The following HDHD5 variants were observed in gnomAD, a reference collection of about 807,000 sequenced individuals.
HDHD5 encodes haloacid dehalogenase like hydrolase domain containing 5.
In HDHD5, 34 loss-of-function variants were observed where a neutral mutation model predicts 35.5. The ratio of observed to expected loss-of-function variants is 0.96; its 90% CI spans 0.73 to 1.28. HDHD5 has a LOEUF of 1.28. Among genes scored for constraint, HDHD5 ranks in the 50% most tolerant of loss-of-function variants. HDHD5 has a pLI of 0.00. For missense variants in HDHD5, 589 were observed against 560.2 expected, an observed-to-expected ratio of 1.05 and a Z score of -0.52; for synonymous variants, 248 against 240.6, an observed-to-expected ratio of 1.03 and a Z score of -0.29.
At chr22:17,154,193 A>G (rs2061759064) in intron 1 of HDHD5, among the ~76,000 whole-genome samples, 1 of 150,130 alleles carries the variant, frequency 6.7e-6, no homozygotes, top group Admixed American at 6.6e-5. Context: ...TGTTTCTTTA[A>G]GAAACTTGGC....
rs151288224 is a variant in HDHD5 at position 17,138,627 on chromosome 22, C to G, written c.858G>C (p.Gln286His). 448 of 1,614,244 alleles carry G rather than the reference C, an allele frequency of 2.8e-4. 2 individuals carry two copies. In the Middle Eastern group the frequency reaches 4.6e-3, roughly 17 times the overall value. Residue 286 changes from glutamine (Q) to histidine (H), a missense_variant, in exon 7 of 8, where the codon CAG becomes CAC. By Grantham distance (24) the Gln-to-His change is conservative. Transcript: ENST00000336737. ...GTCGCCTGATCAGGTCCTCGGCATA[C>G]TGGTAAGTGAGGATGCTGGGTTTGC... ...LMGKPSILTY[Q>H]YAEDLIRRQA... is the part of the protein sequence containing the mutation.
intron 5 of HDHD5, chr22:17,141,658 T>C (rs1473982821): frequency 4.5e-5 from 45 of 1,006,226 alleles, no homozygotes; most frequent in Non-Finnish European, 4.7e-5. Flanking sequence ...TGTGGAGTGA[T>C]AGAGACTTGA....
At chr22:17,149,339 A>G (rs924135430) in intron 2 of HDHD5, among the ~76,000 whole-genome samples, 3 of 152,212 alleles carry the variant, frequency 2.0e-5, no homozygotes, top group African/African-American at 7.2e-5. Flanking sequence ...CACACCCCCA[A>G]TGCCCAGAAG....
At position 17,141,251 on chromosome 22, in the gene HDHD5, G is replaced by A. The variant is rs761881165; in HGVS notation, c.572-18C>T. 11 of 1,578,730 alleles carry A rather than the reference G, an allele frequency of 7.0e-6. No homozygotes were observed. The highest frequency in any genetic ancestry group is 1.4e-5 in the African/African-American group (1 of 72,572). On this transcript the variant is annotated intron_variant, in intron 5 of 7. Coordinates refer to ENST00000336737, the MANE Select transcript of HDHD5 (RefSeq NM_033070.3). The stretch of plus-strand genomic sequence containing the variant: ...GAGCACCCCTTTAAAGAACAGAGGC[G>A]CAGGTGAGGGCTGCAGGGCAGATGG...
upstream of HDHD5, among the ~76,000 whole-genome samples, chr22:17,161,433 C>T (rs1410439618): frequency 1.3e-5 from 2 of 151,608 alleles, no homozygotes; most frequent in African/African-American, 4.9e-5. Context: ...GTGGTGTGTG[C>T]CTGTAATCCC....
At chr22:17,160,789 C>T (rs956599318), upstream of HDHD5, among the ~76,000 whole-genome samples, 1 of 152,160 alleles carries the variant, frequency 6.6e-6, no homozygotes, top group East Asian at 1.9e-4. Context: ...TCAAGTCAGT[C>T]AAACTCACAA....
At chr22:17,162,747 C>A (rs1013724544), upstream of HDHD5, among the ~76,000 whole-genome samples, 4 of 152,188 alleles carry the variant, frequency 2.6e-5, no homozygotes, top group African/African-American at 9.7e-5. Flanking sequence ...TAAGGCTTGC[C>A]ATGTTAAAGA....
At position 17,138,666 on chromosome 22, in the gene HDHD5, G is replaced by A. The variant is rs374314128; in HGVS notation, c.819C>T (p.Tyr273=). 145 of 1,614,208 alleles carry A rather than the reference G, an allele frequency of 9.0e-5. No homozygotes were observed. The Middle Eastern group carries it at 1.2e-3, about 13-fold the overall frequency. ...YQKVTGKELR[Y]EGLMGKPSIL... is the part of the protein sequence containing the mutation. ...TGCTGGGTTTGCCCATCAGGCCCTC[G>A]TATCTCAGCTCCTTGCCCGTCACTT... The change falls in exon 7 of 8, where the codon TAC becomes TAT. Residue 273 remains tyrosine, a synonymous_variant. Coordinates refer to ENST00000336737, the MANE Select transcript of HDHD5 (RefSeq NM_033070.3).
chr22:17,145,000 A>T, intron 4 of HDHD5, 24 bp downstream of exon 4: 1 of 1,613,276 alleles, frequency 6.2e-7, no homozygotes, highest in Admixed American at 1.7e-5. Context: ...ATGAAGACAC[A>T]GCCCAACCCA....
chr22:17,150,057 G>A (rs188565301), intron 1 of HDHD5, among the ~76,000 whole-genome samples: 165 of 152,008 alleles, frequency 1.1e-3, no homozygotes, highest in Admixed American at 6.6e-4. Context: ...GGATCCTCTC[G>A]CCTCAGCTTC....
exon 1 of HDHD5, chr22:17,165,213 G>T: frequency 1.3e-6 from 1 of 777,724 alleles, no homozygotes; most frequent in South Asian, 1.4e-5. Context: ...AGTTACCTGA[G>T]AGAAGCTGGG....
intron 3 of HDHD5, 153 bp from the exon 4 acceptor site, chr22:17,145,270 GC>G: frequency 2.4e-6 from 2 of 817,404 alleles, no homozygotes; most frequent in Non-Finnish European, 3.0e-6. Context: ...CACAAATCCT[GC>G]AGGTGCTGGC....
intron 1 of HDHD5, among the ~76,000 whole-genome samples, chr22:17,152,620 G>A (rs1005003835): frequency 1.3e-5 from 2 of 152,108 alleles, no homozygotes; most frequent in African/African-American, 2.4e-5. Context: ...ATCAGCACTG[G>A]ACAGGTCCTG....
upstream of HDHD5, among the ~76,000 whole-genome samples, chr22:17,164,222 G>GAAAAAAAA (rs60212114): frequency 1.8e-5 from 2 of 111,950 alleles, no homozygotes; most frequent in Non-Finnish European, 1.9e-5. Context: ...CTCCATCTCA[G>GAAAAAAAA]AAAAAAAAAA....
At chr22:17,164,893 G>A (rs1465279895) in intron 1 of HDHD5, among the ~76,000 whole-genome samples, 4 of 152,214 alleles carry the variant, frequency 2.6e-5, no homozygotes, top group Non-Finnish European at 5.9e-5. Flanking sequence ...GGAATGGCAG[G>A]GAAGCTGTGG....
chr22:17,155,374 T>C (rs1220156899), intron 1 of HDHD5, among the ~76,000 whole-genome samples: 2 of 152,090 alleles, frequency 1.3e-5, no homozygotes, highest in East Asian at 3.9e-4. Flanking sequence ...GCCTCCCAAG[T>C]AGCTGGGACT....
intron 3 of HDHD5, 191 bp from the exon 4 acceptor site, chr22:17,145,308 G>T: frequency 2.0e-6 from 1 of 494,244 alleles, no homozygotes; most frequent in Non-Finnish European, 2.6e-6. Flanking sequence ...CACAGGTAGA[G>T]TAGAGAGGGC....
Position 17,157,085 on chromosome 22 carries a change from T to TAC in HDHD5, c.126+2039_126+2040dup, listed in dbSNP as rs58807817. Among the ~76,000 whole-genome samples the TAC allele has an allele frequency of 6.5e-3, 928 of 143,782 alleles. 6 individuals are homozygous for TAC. Among genetic ancestry groups the TAC allele is most frequent in the East Asian group, 0.02 (94 of 4,794 alleles). 94.3% of individuals were successfully genotyped at this position (143,782 alleles called of 152,430 possible). On this transcript the variant is annotated intron_variant, in intron 1 of 7. Transcript: ENST00000336737. Reference sequence around the variant, plus strand: ...AGAGCTAGACACCGTCTCACACACATACACACACACACACACACACACACA... The same window carrying TAC: ...AGAGCTAGACACCGTCTCACACACATACACACACACACACACACACACACACA...
rs1401752828 is a variant in HDHD5, at chr22:17,141,101, C to T, written c.704G>A (p.Ser235Asn). Residue 235 changes from serine to asparagine, a missense_variant, in exon 6 of 8, where the codon AGC (serine) becomes AAC (asparagine). By Grantham distance (46) the Ser-to-Asn change is conservative. Coordinates refer to ENST00000336737, the MANE Select transcript of HDHD5 (RefSeq NM_033070.3). ...PPYPHLPVLA[S>N]NMDLLWMAEA... ...AGCCATCCACAGGAGATCCATGTTGCTGGCTAGGACGGGGAGGTGGGGGTA... is the reference window on the plus strand; with the variant it reads ...AGCCATCCACAGGAGATCCATGTTGTTGGCTAGGACGGGGAGGTGGGGGTA... 6.3e-7 allele frequency: 1 copy of T among 1,592,856 alleles called. No homozygotes were observed. Among genetic ancestry groups the T allele is most frequent in the Admixed American group, 1.8e-5 (1 of 56,394 alleles).
Sources: gnomAD v4.1 joint callset for allele counts (sites outside exome capture counted in the v4.1 genomes callset) on GRCh38, gnomAD v4.1.1 for gene constraint, MANE v1.5 for transcripts, NCBI Gene and HGNC (gene_info 2026-07-23, HGNC 2026-07-21) for gene names.